The following ACAT2 variants were observed in gnomAD, a reference collection of about 807,000 sequenced individuals.
ACAT2 encodes the protein acetyl-CoA acetyltransferase, cytosolic.
ACAT2 carries 26 observed loss-of-function variants against 37.1 expected under a neutral mutation model. That is an observed-to-expected ratio of 0.70 (90% CI 0.51 to 0.97). The LOEUF (loss-of-function observed/expected upper bound fraction) is 0.97. Among genes scored for constraint, ACAT2 ranks in the 50% least tolerant of loss-of-function variants. The probability of loss-of-function intolerance (pLI) is 0.00; values close to 1 mark genes in which losing one functional copy is unlikely to be tolerated. For missense variants in ACAT2, 468 were observed against 489.0 expected, an observed-to-expected ratio of 0.96 and a Z score of 0.40; for synonymous variants, 156 against 163.6, an observed-to-expected ratio of 0.95 and a Z score of 0.35.
chr6:159,778,846 A>G lies in ACAT2; in HGVS notation c.*17A>G. On this transcript the variant is annotated 3_prime_UTR_variant, in exon 9 of 9. Transcript: ENST00000367048. ...AGAGAATGAATTGCTTAAACTTTGAACAACCTCAATTTCTTTTTAAACTAA... is the reference window on the plus strand; with the variant it reads ...AGAGAATGAATTGCTTAAACTTTGAGCAACCTCAATTTCTTTTTAAACTAA... 1 of 1,613,894 alleles carries G rather than the reference A, an allele frequency of 6.2e-7. No individual in the cohort carries two copies. Among genetic ancestry groups the G allele is most frequent in the Non-Finnish European group, 8.5e-7 (1 of 1,179,818 alleles).
chr6:159,776,028 A>C (rs1030235805), intron 5 of ACAT2, 122 bp from the exon 6 acceptor site: 58 of 1,084,464 alleles, frequency 5.3e-5, no homozygotes, highest in Non-Finnish European at 7.3e-5. Context: ...CAAAGTGGTC[A>C]CATATTAAAA....
intron 4 of ACAT2, among the ~76,000 whole-genome samples, chr6:159,772,124 C>G (rs930956781): frequency 6.6e-6 from 1 of 152,022 alleles, no homozygotes; most frequent in Non-Finnish European, 1.5e-5. Context: ...ACTCTGGAGG[C>G]CAAGGGAGGA....
rs770063890 is a variant in ACAT2, at chr6:159,779,081, A to G, written c.*252A>G. 9.3e-6 allele frequency: 15 copies of G among 1,614,006 alleles called. No homozygotes were observed. Among genetic ancestry groups the G allele is most frequent in the Non-Finnish European group, 2.5e-6 (3 of 1,179,972 alleles). ...GGGCTCCAGAGTGAACAGCATCTTCATAACTTCCATGTTTATCATCTTTAC... is the reference window on the plus strand; with the variant it reads ...GGGCTCCAGAGTGAACAGCATCTTCGTAACTTCCATGTTTATCATCTTTAC... On this transcript the variant is annotated 3_prime_UTR_variant, in exon 9 of 9. Transcript: ENST00000367048.
At chr6:159,778,123 C>G (rs1360289217) in intron 7 of ACAT2, 47 bp from the exon 8 acceptor site, 2 of 1,304,642 alleles carry the variant, frequency 1.5e-6, no homozygotes, top group South Asian at 2.5e-5. Flanking sequence ...TTAACTTTAG[C>G]CTTTCCACCC....
In ACAT2 at chr6:159,777,413, C is replaced by G. The variant is rs1170979320; in HGVS notation, c.869C>G (p.Pro290Arg). ...IVSWSQVGVEPSIMGIGPIPA... is the reference protein window; with the variant it reads ...IVSWSQVGVERSIMGIGPIPA... ...TCCTGGTCCCAAGTGGGTGTGGAGCCTTCCATTATGGGAATAGGACCAATT... is the reference window on the plus strand; with the variant it reads ...TCCTGGTCCCAAGTGGGTGTGGAGCGTTCCATTATGGGAATAGGACCAATT... Residue 290 changes from proline to arginine, a missense_variant, in exon 7 of 9, where the codon CCT (proline) becomes CGT (arginine). Pro to Arg is a moderately radical substitution (Grantham distance 103). Transcript: ENST00000367048. The G allele has an allele frequency of 6.2e-7, 1 of 1,614,150 alleles. No individual in the cohort carries two copies. Among genetic ancestry groups the G allele is most frequent in the Admixed American group, 1.7e-5 (1 of 60,018 alleles).
chr6:159,773,467 T>G (rs1265699308), intron 4 of ACAT2, among the ~76,000 whole-genome samples: 1 of 152,014 alleles, frequency 6.6e-6, no homozygotes, highest in African/African-American at 2.4e-5. Context: ...GCTAAAAAAT[T>G]AAGGACATGC....
chr6:159,774,596 C>T (rs1454221468), intron 4 of ACAT2, among the ~76,000 whole-genome samples: 1 of 152,166 alleles, frequency 6.6e-6, no homozygotes, highest in Non-Finnish European at 1.5e-5. Flanking sequence ...ACATGGCACA[C>T]ACACCATGCC....
rs565633972 is a variant in ACAT2 at position 159,777,287 on chromosome 6, A to G, written c.758-15A>G. ...TAATAAGCATGGTAGAAATTAAGTC[A>G]CTCATATTTTACAGGAATAAATGAT... is the stretch of plus-strand genomic sequence containing the variant. On this transcript the variant is annotated splice_polypyrimidine_tract_variant and intron_variant, in intron 6 of 8. Coordinates refer to ENST00000367048, the MANE Select transcript of ACAT2 (RefSeq NM_005891.3). 1 of 1,607,538 alleles carries G rather than the reference A, an allele frequency of 6.2e-7. No individual in the cohort carries two copies. The highest frequency in any genetic ancestry group is 8.5e-7 in the Non-Finnish European group (1 of 1,177,434).
chr6:159,778,701 G>C lies in ACAT2; in HGVS notation c.1066G>C (p.Gly356Arg), dbSNP rs751073839. The change falls in exon 9 of 9, where the codon GGA becomes CGA. Residue 356 changes from glycine (G) to arginine (R), a missense_variant. Gly to Arg is a moderately radical substitution (Grantham distance 125, BLOSUM62 -2). Transcript: ENST00000367048. Reference sequence around the variant, plus strand: ...GGCTATAGCCTTGGGCCACCCTCTTGGAGCATCTGGCTGTCGAATTCTTGT... The same window carrying C: ...GGCTATAGCCTTGGGCCACCCTCTTCGAGCATCTGGCTGTCGAATTCTTGT... ...GGAIALGHPL[G>R]ASGCRILVTL... 2 of 1,614,214 alleles carry C rather than the reference G, an allele frequency of 1.2e-6. No individual in the cohort carries two copies. Among genetic ancestry groups the C allele is most frequent in the South Asian group, 1.1e-5 (1 of 91,086 alleles).
rs376043223 is a variant in ACAT2 at position 159,770,889 on chromosome 6, A to C, written c.490+2261A>C. On this transcript the variant is annotated intron_variant, in intron 4 of 8. Transcript: ENST00000367048. ...AGACCAGCCTGGCCAACATGGGGAA[A>C]CCCTGTCTCTACTAAAAATACAAAA... Among the ~76,000 whole-genome samples, 26 of 152,010 alleles carry C rather than the reference A, an allele frequency of 1.7e-4. No homozygotes were observed. In the South Asian group the frequency reaches 2.7e-3, roughly 16 times the overall value.
At chr6:159,763,874 G>A (rs1179182528) in intron 2 of ACAT2, among the ~76,000 whole-genome samples, 1 of 151,880 alleles carries the variant, frequency 6.6e-6, no homozygotes, top group East Asian at 2.0e-4. Context: ...GGCCGAGGTG[G>A]GCGGATCATG....
chr6:159,767,255 G>T, intron 3 of ACAT2, 69 bp downstream of exon 3: 1 of 1,519,880 alleles, frequency 6.6e-7, no homozygotes, highest in Non-Finnish European at 9.1e-7. Flanking sequence ...TGCCAGAACA[G>T]AGTAAACAGA....
At position 159,779,003 on chromosome 6, in the gene ACAT2, A is replaced by C. The variant is rs773876597; in HGVS notation, c.*174A>C. On this transcript the variant is annotated 3_prime_UTR_variant, in exon 9 of 9. Coordinates refer to ENST00000367048, the MANE Select transcript of ACAT2 (RefSeq NM_005891.3). ...TGTAATACTCAACTCAAGGTACAAG[A>C]CAATTGCATTTAACATTGTTATAAA... 16 of 1,594,140 alleles carry C rather than the reference A, an allele frequency of 1.0e-5. No individual in the cohort carries two copies. Among genetic ancestry groups the C allele is most frequent in the Non-Finnish European group, 1.4e-5 (16 of 1,165,680 alleles).
At chr6:159,775,910 C>A (rs970123561) in intron 5 of ACAT2, 4 of 401,844 alleles carry the variant, frequency 1.0e-5, no homozygotes, top group African/African-American at 8.3e-5. Context: ...TAGCTACTTT[C>A]CTCAGGAAGG....
intron 1 of ACAT2, chr6:159,762,568 T>C (rs909894820): frequency 1.9e-5 from 25 of 1,342,538 alleles, no homozygotes; most frequent in Admixed American, 2.4e-5. Flanking sequence ...CTAGAAGTCG[T>C]GACTTCGTCT....
At chr6:159,766,716 A>G (rs896486271) in intron 2 of ACAT2, among the ~76,000 whole-genome samples, 6 of 152,228 alleles carry the variant, frequency 3.9e-5, no homozygotes, top group Non-Finnish European at 7.3e-5. Context: ...AGCCATATCA[A>G]AAGATGAGGA....
rs772941044 is a variant in ACAT2, at chr6:159,777,467, C to A, written c.912+11C>A. The A allele has an allele frequency of 1.3e-5, 21 of 1,603,432 alleles. No individual in the cohort carries two copies. The highest frequency in any genetic ancestry group is 1.7e-5 in the Admixed American group (1 of 57,258). ...GCCATAAAGCAAGCTGTGAGTATAA[C>A]CCTATTCCCTTTTATGAAATTTGTC... On this transcript the variant is annotated intron_variant, in intron 7 of 8. Coordinates refer to ENST00000367048, the MANE Select transcript of ACAT2 (RefSeq NM_005891.3).
intron 2 of ACAT2, 81 bp downstream of exon 2, chr6:159,763,134 A>G (rs981986048): frequency 1.6e-5 from 24 of 1,502,838 alleles, no homozygotes; most frequent in Non-Finnish European, 2.1e-5. Context: ...ACTCTCACAC[A>G]CTCACACACT....
chr6:159,775,143 T>C (rs1047395793), intron 4 of ACAT2, 27 bp from the exon 5 acceptor site: 1 of 1,610,950 alleles, frequency 6.2e-7, no homozygotes, highest in Non-Finnish European at 8.5e-7. Flanking sequence ...AAAATGTTAG[T>C]TTTTTGCTGT....
Sources: gnomAD v4.1 joint callset for allele counts (sites outside exome capture counted in the v4.1 genomes callset) on GRCh38, gnomAD v4.1.1 for gene constraint, MANE v1.5 for transcripts, NCBI Gene and HGNC (gene_info 2026-07-23, HGNC 2026-07-21) for gene names.